JAZF1: variants seen among roughly 807,000 people sequenced by gnomAD.
JAZF1 encodes the protein JAZF zinc finger 1.
Under a neutral mutation model 26.4 loss-of-function variants are expected in JAZF1, and 8 were observed. That is an observed-to-expected ratio of 0.30 (90% CI 0.18 to 0.55). JAZF1 has a LOEUF of 0.55. Ranked by LOEUF, JAZF1 falls within the 20% of genes least tolerant of loss-of-function variation. The pLI is 0.94. For missense variants in JAZF1, 199 were observed against 322.0 expected (o/e 0.62, Z 2.92); for synonymous variants, 126 against 122.3 (o/e 1.03, Z -0.20).
chr7:27,905,611 T>C (rs1039514610), intron 2 of JAZF1, among the ~76,000 whole-genome samples: 22 of 151,854 alleles, frequency 1.4e-4, no homozygotes, highest in Non-Finnish European at 2.9e-5. Context: ...CTACAGTAAA[T>C]TTATATTCTC....
At chr7:27,925,375 G>C (rs931227086) in intron 2 of JAZF1, among the ~76,000 whole-genome samples, 1 of 152,162 alleles carries the variant, frequency 6.6e-6, no homozygotes, top group Non-Finnish European at 1.5e-5. Flanking sequence ...CATTGAAACA[G>C]GTCAGGTAAA....
chr7:28,120,531 C>CTTTTTTTTTTTTTTTTTT, intron 1 of JAZF1, among the ~76,000 whole-genome samples: 1 of 50,552 alleles, frequency 2.0e-5, no homozygotes, highest in Admixed American at 2.4e-4. Flanking sequence ...TTTTTTGAGA[C>CTTTTTTTTTTTTTTTTTT]AGAGTCTCGC....
intron 3 of JAZF1, among the ~76,000 whole-genome samples, chr7:27,878,652 G>C (rs541103981): frequency 6.6e-6 from 1 of 152,096 alleles, no homozygotes; most frequent in Non-Finnish European, 1.5e-5. Context: ...GGAGGAGTTC[G>C]GGGCAGTAAC....
chr7:28,115,533 G>A (rs1483237298), intron 1 of JAZF1, among the ~76,000 whole-genome samples: 1 of 152,102 alleles, frequency 6.6e-6, no homozygotes, highest in Non-Finnish European at 1.5e-5. Context: ...GTAGTCAACA[G>A]TACCAACAAG....
chr7:28,082,254 G>C (rs1162243293), intron 1 of JAZF1, among the ~76,000 whole-genome samples: 1 of 152,098 alleles, frequency 6.6e-6, no homozygotes, highest in Non-Finnish European at 1.5e-5. Flanking sequence ...TGGGGGCGTG[G>C]GGAGGCGAGG....
At chr7:28,055,019 T>C (rs879455399) in intron 1 of JAZF1, among the ~76,000 whole-genome samples, 12 of 152,218 alleles carry the variant, frequency 7.9e-5, no homozygotes, top group Non-Finnish European at 1.5e-4. Context: ...AGATGAACTA[T>C]GCAATGGGTA....
chr7:27,960,886 C>T (rs1410677948), intron 2 of JAZF1, among the ~76,000 whole-genome samples: 1 of 152,108 alleles, frequency 6.6e-6, no homozygotes, highest in Admixed American at 6.6e-5. Flanking sequence ...GCAGAACAGA[C>T]AACAAACACA....
intron 2 of JAZF1, among the ~76,000 whole-genome samples, chr7:27,959,156 A>G (rs1303423966): frequency 6.6e-6 from 1 of 152,246 alleles, no homozygotes; most frequent in Non-Finnish European, 1.5e-5. Flanking sequence ...GAACCTGTCC[A>G]AGGCCACACA....
In JAZF1 at chr7:28,076,990, C is replaced by T. The variant is rs112354529; in HGVS notation, c.116-85009G>A. Among the ~76,000 whole-genome samples the T allele has an allele frequency of 1.9e-3, 283 of 152,006 alleles. 1 individual carries two copies. Among genetic ancestry groups the T allele is most frequent in the African/African-American group, 6.4e-3 (267 of 41,424 alleles). The stretch of plus-strand genomic sequence containing the variant: ...GTAGACGACAACCAATTTTAAAGCC[C>T]GAAACCCAGCTGCAGAGCATTAGAA... On this transcript the variant is annotated intron_variant, in intron 1 of 4. Transcript: ENST00000283928.
intron 1 of JAZF1, among the ~76,000 whole-genome samples, chr7:28,016,258 T>C (rs891625423): frequency 6.6e-6 from 1 of 152,206 alleles, no homozygotes; most frequent in Non-Finnish European, 1.5e-5. Flanking sequence ...TGATGATGCA[T>C]CAAGTCACTT....
chr7:28,042,446 A>C (rs998592589), intron 1 of JAZF1, among the ~76,000 whole-genome samples: 1 of 152,220 alleles, frequency 6.6e-6, no homozygotes, highest in Admixed American at 6.5e-5. Context: ...AAATGGCAGC[A>C]GCTGAAGAAT....
intron 3 of JAZF1, among the ~76,000 whole-genome samples, chr7:27,865,930 G>A (rs1349617838): frequency 2.0e-5 from 3 of 152,188 alleles, no homozygotes; most frequent in Admixed American, 1.3e-4. Context: ...TTCTGAGCAG[G>A]TGACTTTGTT....
chr7:28,128,834 C>A (rs1173675074), intron 1 of JAZF1, among the ~76,000 whole-genome samples: 3 of 152,184 alleles, frequency 2.0e-5, no homozygotes, highest in Non-Finnish European at 4.4e-5. Context: ...TAAGCACATT[C>A]ATGGTGTGAA....
At chr7:28,108,293 C>CTA in intron 1 of JAZF1, among the ~76,000 whole-genome samples, 1 of 152,306 alleles carries the variant, frequency 6.6e-6, no homozygotes, top group Middle Eastern at 3.4e-3. Flanking sequence ...TTCATGCTTA[C>CTA]CCTTCCAGCA....
chr7:27,996,593 A>C (rs1282254520), intron 1 of JAZF1, among the ~76,000 whole-genome samples: 4 of 152,176 alleles, frequency 2.6e-5, no homozygotes, highest in Non-Finnish European at 5.9e-5. Flanking sequence ...GCCTTCCCCC[A>C]GCTATAGAAC....
intron 1 of JAZF1, among the ~76,000 whole-genome samples, chr7:28,030,529 GC>G (rs1173318886): frequency 6.6e-6 from 1 of 152,134 alleles, no homozygotes; most frequent in African/African-American, 2.4e-5. Flanking sequence ...ATAAGTAAGG[GC>G]TGTTCGTCCT....
intron 2 of JAZF1, among the ~76,000 whole-genome samples, chr7:27,943,287 G>A (rs574802375): frequency 6.6e-6 from 1 of 152,260 alleles, no homozygotes; most frequent in South Asian, 2.1e-4. Context: ...TCTGTAAGGA[G>A]CCAAATAGCA....
intron 2 of JAZF1, among the ~76,000 whole-genome samples, chr7:27,988,478 C>A (rs1425992092): frequency 6.6e-6 from 1 of 151,822 alleles, no homozygotes; most frequent in African/African-American, 2.4e-5. Context: ...GGGCTCAAAC[C>A]ATCCTCCCGC....
chr7:27,994,016 CTTTT>C (rs897712585), intron 1 of JAZF1, among the ~76,000 whole-genome samples: 1 of 150,660 alleles, frequency 6.6e-6, no homozygotes, highest in Non-Finnish European at 1.5e-5. Flanking sequence ...CTAAAGATTT[CTTTT>C]TTTCTCAAAT....
Sources: allele counts gnomAD v4.1 joint callset (sites outside exome capture counted in the v4.1 genomes callset), GRCh38; gene constraint gnomAD v4.1.1; transcripts MANE v1.5; gene names NCBI Gene and HGNC (gene_info 2026-07-23, HGNC 2026-07-21).